Variants in CDKN3 observed in about 807,000 individuals in gnomAD.
CDKN3 encodes the protein cyclin-dependent kinase inhibitor 3.
Under a neutral mutation model 36.1 loss-of-function variants are expected in CDKN3, and 19 were observed. The ratio of observed to expected loss-of-function variants is 0.53; its 90% CI spans 0.37 to 0.77. The LOEUF is 0.77. CDKN3 is among the 30% of genes least tolerant of loss of function. The pLI, the probability that CDKN3 is intolerant of heterozygous loss-of-function variation, is 0.00. For missense variants in CDKN3, 188 were observed against 248.6 expected, an observed-to-expected ratio of 0.76 and a Z score of 1.64; for synonymous variants, 71 against 85.3, an observed-to-expected ratio of 0.83 and a Z score of 0.92.
At chr14:54,413,334 T>C (rs1460679834) in intron 5 of CDKN3, among the ~76,000 whole-genome samples, 1 of 151,804 alleles carries the variant, frequency 6.6e-6, no homozygotes, top group East Asian at 1.9e-4. Context: ...TAGGGCCCTA[T>C]TTTTCAAACC....
At chr14:54,398,778 A>G (rs1264856638) in intron 1 of CDKN3, among the ~76,000 whole-genome samples, 2 of 152,030 alleles carry the variant, frequency 1.3e-5, no homozygotes, top group Non-Finnish European at 2.9e-5. Context: ...GTCTATCTCA[A>G]TCTCTCTAGT....
chr14:54,405,830 C>T (rs969845251), intron 3 of CDKN3, among the ~76,000 whole-genome samples: 23 of 152,262 alleles, frequency 1.5e-4, no homozygotes, highest in African/African-American at 5.3e-4. Flanking sequence ...GCATTTAGCC[C>T]ATTTACATTT....
chr14:54,408,665 G>A lies in CDKN3; in HGVS notation c.149-80G>A, dbSNP rs111471934. On this transcript the variant is annotated intron_variant, in intron 3 of 7. Coordinates refer to ENST00000335183, the MANE Select transcript of CDKN3 (RefSeq NM_005192.4). ...TGATTACGTGAAATGACTTTATAAAGTAGCTATATAAGTGTTTAAACATAC... is the reference window on the plus strand; with the variant it reads ...TGATTACGTGAAATGACTTTATAAAATAGCTATATAAGTGTTTAAACATAC... 2.1e-5 allele frequency: 29 copies of A among 1,381,766 alleles called. No individual in the cohort carries two copies. In the African/African-American group the frequency reaches 3.9e-4, roughly 19 times the overall value. 85.6% of individuals were successfully genotyped at this position (1,381,766 alleles called of 1,614,324 possible).
intron 3 of CDKN3, among the ~76,000 whole-genome samples, chr14:54,408,228 C>G (rs1366970690): frequency 6.6e-6 from 1 of 152,194 alleles, no homozygotes; most frequent in Non-Finnish European, 1.5e-5. Flanking sequence ...ACATTTCCAC[C>G]AGCAGTGTAA....
At chr14:54,419,421 T>C (rs4251675) in intron 7 of CDKN3, among the ~76,000 whole-genome samples, 7,075 of 152,322 alleles carry the variant, frequency 0.046, 385 homozygotes, top group East Asian at 0.27. Flanking sequence ...AGAGTAAGAA[T>C]ATCTTTTGGG....
chr14:54,416,046 C>T (rs2030530940), intron 6 of CDKN3, 116 bp downstream of exon 6: 2 of 792,846 alleles, frequency 2.5e-6, no homozygotes, highest in South Asian at 3.0e-5. Context: ...TTTGCTAAGA[C>T]TCAAAGGATT....
At chr14:54,407,710 A>C (rs1454689523) in intron 3 of CDKN3, among the ~76,000 whole-genome samples, 1 of 152,224 alleles carries the variant, frequency 6.6e-6, no homozygotes, top group African/African-American at 2.4e-5. Context: ...CCAAGCTGGA[A>C]CATCCCAGGT....
chr14:54,398,229 G>T (rs1005493015), intron 1 of CDKN3, among the ~76,000 whole-genome samples: 3 of 152,252 alleles, frequency 2.0e-5, no homozygotes, highest in Non-Finnish European at 4.4e-5. Flanking sequence ...TTCAGAGCTA[G>T]AAAGAGCATT....
intron 2 of CDKN3, among the ~76,000 whole-genome samples, 164 bp downstream of exon 2, chr14:54,400,140 A>T (rs1310064081): frequency 6.6e-6 from 1 of 150,532 alleles, no homozygotes; most frequent in Non-Finnish European, 1.5e-5. Context: ...GGATCTTCTA[A>T]CTCCATGATT....
chr14:54,402,532 G>A (rs1478963328), intron 3 of CDKN3, among the ~76,000 whole-genome samples: 2 of 152,106 alleles, frequency 1.3e-5, no homozygotes, highest in Non-Finnish European at 2.9e-5. Context: ...TTCTTTTGCT[G>A]TGCAGAAGCT....
At chr14:54,414,022 C>T (rs2030448248) in intron 5 of CDKN3, 1 of 202,920 alleles carries the variant, frequency 4.9e-6, no homozygotes, top group South Asian at 1.2e-4. Context: ...CCATGGCAGG[C>T]CTTGGCTTGC....
At position 54,417,935 on chromosome 14, in the gene CDKN3, C is replaced by T. The variant is rs1341207845; in HGVS notation, c.536C>T (p.Ala179Val). The T allele has an allele frequency of 1.9e-6, 3 of 1,584,122 alleles. No individual in the cohort carries two copies. Among genetic ancestry groups the T allele is most frequent in the South Asian group, 1.1e-5 (1 of 87,088 alleles). ...DSLRDLRGSG[A>V]IQTIKQYNYL... Reference sequence around the variant, plus strand: ...CTGCGAGACCTAAGAGGATCCGGGGCAATACAGACCATCAAGGTGAGGAGG... The same window carrying T: ...CTGCGAGACCTAAGAGGATCCGGGGTAATACAGACCATCAAGGTGAGGAGG... The change falls in exon 7 of 8, where the codon GCA (alanine) becomes GTA (valine). Residue 179 changes from alanine (A) to valine (V), a missense_variant. By Grantham distance (64) the Ala-to-Val change is moderately conservative. Transcript: ENST00000335183.
At chr14:54,412,909 G>A (rs748478512) in intron 5 of CDKN3, 1 of 513,092 alleles carries the variant, frequency 1.9e-6, no homozygotes, top group East Asian at 5.5e-5. Flanking sequence ...TGAGCTAGAA[G>A]TATAGAAATT....
intron 5 of CDKN3, chr14:54,412,877 A>G (rs1327878244): frequency 1.9e-6 from 1 of 517,276 alleles, no homozygotes; most frequent in Non-Finnish European, 3.9e-6. Flanking sequence ...CAAAAGCCCC[A>G]AGTTCCTTAA....
intron 5 of CDKN3, among the ~76,000 whole-genome samples, chr14:54,414,699 C>T (rs1014282932): frequency 1.3e-5 from 2 of 149,784 alleles, no homozygotes; most frequent in African/African-American, 2.5e-5. Flanking sequence ...GTGTGCGCCA[C>T]CGTGCCAGGC....
At chr14:54,408,889 A>G (rs4251626) in intron 4 of CDKN3, 100 bp downstream of exon 4, 333,663 of 1,416,166 alleles carry the variant, frequency 0.24, 41,099 homozygotes, top group East Asian at 0.38. Context: ...TTTTAATATA[A>G]AAATAAGTTT....
chr14:54,411,805 T>C lies in CDKN3; in HGVS notation c.416+99T>C, dbSNP rs756052263. On this transcript the variant is annotated intron_variant, in intron 5 of 7. Coordinates refer to ENST00000335183, the MANE Select transcript of CDKN3 (RefSeq NM_005192.4). ...TTCAGTTATCACCTACTTCATAGTT[T>C]GTTGTAAGGATTAAAAGGTAATAAT... The C allele has an allele frequency of 1.0e-5, 8 of 794,510 alleles. No homozygotes were observed. In the East Asian group the frequency reaches 1.6e-4, roughly 16 times the overall value. The allele number at this position is 794,510 out of a possible 1,614,324, so 49.2% of individuals were successfully genotyped here. A position where few individuals can be genotyped will look rare whatever the true frequency, so the allele number is the denominator to read the frequency against.
intron 5 of CDKN3, chr14:54,413,723 CT>C: frequency 1.3e-6 from 2 of 1,531,000 alleles, no homozygotes; most frequent in Admixed American, 2.0e-5. Flanking sequence ...TCTGGTAAAC[CT>C]TTTTCACTGA....
At chr14:54,397,587 G>T (rs1227974402) in intron 1 of CDKN3, among the ~76,000 whole-genome samples, 4 of 152,222 alleles carry the variant, frequency 2.6e-5, no homozygotes, top group African/African-American at 9.6e-5. Context: ...TTCCCGTGAC[G>T]TTCAGAATCA....
Sources: allele counts gnomAD v4.1 joint callset (sites outside exome capture counted in the v4.1 genomes callset), GRCh38; gene constraint gnomAD v4.1.1; transcripts MANE v1.5; gene names NCBI Gene and HGNC (gene_info 2026-07-23, HGNC 2026-07-21).